Variants in CUX1 observed in about 807,000 individuals in gnomAD.
CUX1 encodes the protein cut like homeobox 1.
In CUX1, 31 loss-of-function variants were observed where a neutral mutation model predicts 158.8. The observed-to-expected ratio is 0.20, with a 90% CI of 0.15 to 0.26. The LOEUF (loss-of-function observed/expected upper bound fraction) is 0.26. Among genes scored for constraint, CUX1 ranks in the 10% least tolerant of loss-of-function variants. CUX1 has a pLI of 1.00. For missense variants in CUX1, 1,589 were observed against 2,014.6 expected (o/e 0.79, Z 4.04); for synonymous variants, 879 against 862.1 (o/e 1.02, Z -0.34).
chr7:102,197,379 C>CGTGT, intron 15 of CUX1, 74 bp downstream of exon 15: 1 of 1,475,504 alleles, frequency 6.8e-7, no homozygotes, highest in Non-Finnish European at 9.3e-7. Flanking sequence ...TGCATGCGTG[C>CGTGT]GTGTGTCTGT....
chr7:102,264,021 T>C (rs1351334080), intron 14 of CUX1, among the ~76,000 whole-genome samples: 2 of 144,942 alleles, frequency 1.4e-5, no homozygotes, highest in Non-Finnish European at 3.0e-5. Context: ...TTTTTTTTTT[T>C]TTGAGACGGA....
intron 1 of CUX1, among the ~76,000 whole-genome samples, chr7:101,911,661 T>A (rs939194105): frequency 1.3e-5 from 2 of 152,286 alleles, no homozygotes; most frequent in Admixed American, 6.5e-5. Flanking sequence ...AGCCTTGGCC[T>A]TGACCTCTGA....
At chr7:102,199,993 C>A (rs1275651348) in intron 16 of CUX1, 78 bp from the exon 17 acceptor site, 1 of 1,256,516 alleles carries the variant, frequency 8.0e-7, no homozygotes, top group Non-Finnish European at 1.1e-6. Flanking sequence ...GGCTATATAT[C>A]AGAATGACGT....
chr7:102,271,190 C>A (rs1563522454), intron 14 of CUX1, among the ~76,000 whole-genome samples: 1 of 152,182 alleles, frequency 6.6e-6, no homozygotes, highest in African/African-American at 2.4e-5. Context: ...GTCTCTCTGT[C>A]CCCCAGGCCC....
At chr7:102,187,708 A>G (rs1350572888) in intron 11 of CUX1, among the ~76,000 whole-genome samples, 1 of 148,852 alleles carries the variant, frequency 6.7e-6, no homozygotes, top group Non-Finnish European at 1.5e-5. Context: ...ACGGGGTTTC[A>G]CCATGTTAGC....
In CUX1 at chr7:101,869,824, G is replaced by A. The variant is rs1013926617; in HGVS notation, c.31-46291G>A. 6.6e-6 allele frequency among the ~76,000 whole-genome samples: 1 copy of A among 152,126 alleles called. No homozygotes were observed. The highest frequency in any genetic ancestry group is 2.4e-5 in the African/African-American group (1 of 41,404). ...AACCCCGGTTTCAGCTTTCCCCGTG[G>A]CTCCCCTCCGCCAAATCTTAAATCC... is the stretch of plus-strand genomic sequence containing the variant. On this transcript the variant is annotated intron_variant, in intron 1 of 23. Coordinates refer to ENST00000292535, the MANE Select transcript of CUX1 (RefSeq NM_181552.4). This position sits in a 1 kb window ranked among gnomAD's most constrained non-coding sequence, Gnocchi z 4.5.
rs1287689842 is a variant in CUX1 at position 102,281,843 on chromosome 7, C to T, written c.1825C>T (p.Arg609Cys). 1.2e-6 allele frequency: 2 copies of T among 1,610,756 alleles called. No individual in the cohort carries two copies. The highest frequency in any genetic ancestry group is 2.7e-5 in the African/African-American group (2 of 74,852). ...CTCACCCCCTCCTTGCTCCCAGGGG[C>T]GTCTGGTTCTCTCCAACAAGATGGC... is the stretch of plus-strand genomic sequence containing the variant. The change falls in exon 21 of 23, where the codon CGT becomes TGT. Residue 609 changes from arginine to cysteine, a missense_variant. By Grantham distance (180) the Arg-to-Cys change is radical. Transcript: ENST00000292538.
intron 1 of CUX1, among the ~76,000 whole-genome samples, chr7:101,821,651 CTTTTCTTTTTTTCTTTTTTCTTTTTTTT>C (rs1792561331): frequency 1.0e-5 from 1 of 95,296 alleles, no homozygotes; most frequent in East Asian, 2.8e-4. Context: ...ATTTTCTTTT[CTTTTCTTTTTTTCTTTTTTCTTTTTTTT>C]TTTTTTTTTT....
chr7:102,218,510 C>G (rs541864531), intron 20 of CUX1, among the ~76,000 whole-genome samples: 1 of 152,000 alleles, frequency 6.6e-6, no homozygotes, highest in East Asian at 1.9e-4. Flanking sequence ...ATAGTGAGAC[C>G]CTATCTCGAC....
intron 1 of CUX1, among the ~76,000 whole-genome samples, chr7:101,885,732 A>C (rs1322740450): frequency 6.6e-6 from 1 of 152,108 alleles, no homozygotes; most frequent in Non-Finnish European, 1.5e-5. Context: ...TGTCTCGTGG[A>C]CTACTCAATA....
chr7:101,943,906 C>T (rs1808034760), intron 2 of CUX1, among the ~76,000 whole-genome samples: 1 of 150,622 alleles, frequency 6.6e-6, no homozygotes, highest in Admixed American at 6.6e-5. Context: ...TCGCCTTGAG[C>T]CCAGGAGTTT....
chr7:101,846,019 G>GA (rs1237872826), intron 1 of CUX1, among the ~76,000 whole-genome samples: 1 of 150,654 alleles, frequency 6.6e-6, no homozygotes, highest in African/African-American at 2.4e-5. Flanking sequence ...AAAAAAAAAA[G>GA]AAAAAATGCA....
At chr7:102,097,533 TTTC>T (rs1554484713) in intron 5 of CUX1, 32 bp downstream of exon 5, 1 of 1,502,654 alleles carries the variant, frequency 6.7e-7, no homozygotes, top group African/African-American at 2.2e-5. Context: ...TGCTTTTTCT[TTTC>T]TTCTTTTTTT....
At chr7:101,857,310 G>T (rs1796957894) in intron 1 of CUX1, among the ~76,000 whole-genome samples, 1 of 152,260 alleles carries the variant, frequency 6.6e-6, no homozygotes, top group African/African-American at 2.4e-5. Flanking sequence ...AATATCTGCA[G>T]AAATAAAAAG....
Position 102,003,295 on chromosome 7 carries a change from A to AACACACACACACACACACACAC in CUX1, c.142-24784_142-24763dup, listed in dbSNP as rs56760446. ...CCACTAAGCCCAGCACCTGGTGCCG[A>AACACACACACACACACACACAC]ACACACACACACACACACACACACA... On this transcript the variant is annotated intron_variant, in intron 2 of 23. Transcript: ENST00000292535. 7.4e-4 allele frequency among the ~76,000 whole-genome samples: 98 copies of AACACACACACACACACACACAC among 131,956 alleles called. 1 individual carries two copies. Among genetic ancestry groups the AACACACACACACACACACACAC allele is most frequent in the African/African-American group, 2.3e-3 (79 of 34,288 alleles). 86.6% of individuals were successfully genotyped at this position (131,956 alleles called of 152,430 possible).
chr7:101,938,453 A>G (rs956206356), intron 2 of CUX1, among the ~76,000 whole-genome samples: 1 of 152,166 alleles, frequency 6.6e-6, no homozygotes, highest in Admixed American at 6.5e-5. Flanking sequence ...TTTCATCCTC[A>G]TCTACTGGCC....
chr7:102,023,518 G>A (rs1207565335), intron 2 of CUX1, among the ~76,000 whole-genome samples: 1 of 152,160 alleles, frequency 6.6e-6, no homozygotes, highest in Non-Finnish European at 1.5e-5. Context: ...TACCCAGGCT[G>A]GAGTGTAATG....
intron 18 of CUX1, 37 bp from the exon 19 acceptor site, chr7:102,204,354 C>G (rs1795741919): frequency 6.2e-7 from 1 of 1,608,336 alleles, no homozygotes; most frequent in Non-Finnish European, 8.5e-7. Context: ...TGCTAATAGC[C>G]AGGCACTGAT....
chr7:101,947,756 G>A (rs1808572485), intron 2 of CUX1, among the ~76,000 whole-genome samples: 4 of 152,136 alleles, frequency 2.6e-5, no homozygotes, highest in Admixed American at 2.6e-4. Context: ...TTTTAAAGCA[G>A]TAAATGAAAT....
Sources: allele counts gnomAD v4.1 joint callset (sites outside exome capture counted in the v4.1 genomes callset), GRCh38; gene constraint gnomAD v4.1.1; non-coding constraint Gnocchi (gnomAD v3.1); transcripts MANE v1.5; gene names NCBI Gene and HGNC (gene_info 2026-07-23, HGNC 2026-07-21).